Variants in ZNF677 observed in about 807,000 individuals in gnomAD.
ZNF677 encodes hypothetical protein MGC48625.
Under a neutral mutation model 8.1 loss-of-function variants are expected in ZNF677, and 5 were observed. The observed-to-expected ratio is 0.62, with a 90% CI of 0.32 to 1.29. ZNF677 has a LOEUF of 1.29. Among genes scored for constraint, ZNF677 ranks in the 50% most tolerant of loss-of-function variants. ZNF677 has a pLI of 0.05. For synonymous variants in ZNF677, 221 were observed against 225.6 expected, an observed-to-expected ratio of 0.98 and a Z score of 0.18; for missense variants, 685 against 685.9, an observed-to-expected ratio of 1.00 and a Z score of 0.01.
At position 53,237,422 on chromosome 19, in the gene ZNF677, CACAT is replaced by C. The variant is rs763697173; in HGVS notation, c.1301_1304del (p.Asn434SerfsTer178). On this transcript the variant is annotated frameshift_variant, in exon 5 of 5. Transcript: ENST00000598513. LOFTEE classifies it low-confidence loss of function (END_TRUNC). ...AACTTTGGATAAAAGCCCTGCCACA[CACAT>C]TACATTTGTGTGGTTTCTCTCCAGG... 2 of 1,613,942 alleles carry C rather than the reference CACAT, an allele frequency of 1.2e-6. No individual in the cohort carries two copies. Among genetic ancestry groups the C allele is most frequent in the Non-Finnish European group, 1.7e-6 (2 of 1,179,990 alleles).
At chr19:53,249,021 A>G (rs542953134) in intron 3 of ZNF677, 1 of 152,258 alleles carries the variant, frequency 6.6e-6, no homozygotes, top group South Asian at 2.1e-4. Context: ...CAATTAACCT[A>G]AAGTTTAGGT....
At chr19:53,248,763 T>C (rs1214155815) in intron 3 of ZNF677, among the ~76,000 whole-genome samples, 1 of 152,216 alleles carries the variant, frequency 6.6e-6, no homozygotes, top group Non-Finnish European at 1.5e-5. Context: ...TTTGATTATG[T>C]GTCTTGCTGT....
At position 53,238,519 on chromosome 19, in the gene ZNF677, T is replaced by C; in HGVS notation, c.208A>G (p.Lys70Glu). 3 of 1,593,062 alleles carry C rather than the reference T, an allele frequency of 1.9e-6. No individual in the cohort carries two copies. The highest frequency in any genetic ancestry group is 2.6e-6 in the Non-Finnish European group (3 of 1,173,628). The change falls in exon 5 of 5, where the codon AAG (lysine) becomes GAG (glutamate). Residue 70 changes from lysine to glutamate, a missense_variant. Lys to Glu is a moderately conservative substitution (Grantham distance 56, BLOSUM62 1). Transcript: ENST00000598513. ...VGFTSKGLSP[K>E]ENNKEELYHL... is the part of the protein sequence containing the mutation. ...TATAATTCCTCTTTATTATTTTCCTTTGGTGATAATCCCTTGCTTGTAAAT... is the reference window on the plus strand; with the variant it reads ...TATAATTCCTCTTTATTATTTTCCTCTGGTGATAATCCCTTGCTTGTAAAT...
At chr19:53,251,441 C>T (rs1382055593) in intron 3 of ZNF677, 95 bp downstream of exon 3, 2 of 993,936 alleles carry the variant, frequency 2.0e-6, no homozygotes, top group African/African-American at 1.6e-5. Flanking sequence ...ACATATTAGT[C>T]AGGACACTTC....
rs148994287 is a variant in ZNF677, at chr19:53,253,690, A to AAAATAAAT, written c.-126-542_-126-535dup. On this transcript the variant is annotated intron_variant, in intron 1 of 4. Transcript: ENST00000598513. ...TGACAGAGTGAGACTCCGTCTCAAA[A>AAAATAAAT]AAATAAATAAATAAATAAAAGAAAG... Among the ~76,000 whole-genome samples the AAAATAAAT allele has an allele frequency of 7.2e-5, 11 of 152,122 alleles. 1 individual carries two copies. In the South Asian group the frequency reaches 1.7e-3, roughly 23 times the overall value.
At chr19:53,244,991 T>C (rs1435284676) in intron 3 of ZNF677, among the ~76,000 whole-genome samples, 2 of 152,082 alleles carry the variant, frequency 1.3e-5, no homozygotes, top group Non-Finnish European at 2.9e-5. Context: ...CAAGAATACA[T>C]AATGGAGAAA....
intron 1 of ZNF677, among the ~76,000 whole-genome samples, chr19:53,253,690 A>AAAAT (rs148994287): frequency 0.11 from 16,074 of 152,032 alleles, 1,077 homozygotes; most frequent in East Asian, 0.24. Context: ...CCGTCTCAAA[A>AAAAT]AAATAAATAA....
At position 53,236,267 on chromosome 19, in the gene ZNF677, C is replaced by A. The variant is rs1248571142; in HGVS notation, c.*705G>T. ...TTTCAGTAATATAAAGAAGCCACAC[C>A]TAAGGAAGTAGTCCCTTCCATCTTA... On this transcript the variant is annotated 3_prime_UTR_variant, in exon 5 of 5. Coordinates refer to ENST00000598513, the MANE Select transcript of ZNF677 (RefSeq NM_182609.4). The A allele has an allele frequency of 6.6e-6, 1 of 152,096 alleles. No individual in the cohort carries two copies. The allele number at this position is 152,096 out of a possible 1,614,324, so 9.4% of individuals were successfully genotyped here. A position where few individuals can be genotyped will look rare whatever the true frequency, so the allele number is the denominator to read the frequency against.
In ZNF677 at chr19:53,237,885, T is replaced by C; in HGVS notation, c.842A>G (p.His281Arg). 6.2e-7 allele frequency: 1 copy of C among 1,613,534 alleles called. No individual in the cohort carries two copies. The highest frequency in any genetic ancestry group is 2.2e-5 in the East Asian group (1 of 44,880). Reference sequence around the variant, plus strand: ...TCTCTGTCCAGAGTGAATTCTCTGATGATTAGTGAGGTTCGAACTTTTGCT... The same window carrying C: ...TCTCTGTCCAGAGTGAATTCTCTGACGATTAGTGAGGTTCGAACTTTTGCT... ...AFSKSSNLTNHQRIHSGQRPY... is the reference protein window; with the variant it reads ...AFSKSSNLTNRQRIHSGQRPY... The change falls in exon 5 of 5, where the codon CAT (histidine) becomes CGT (arginine). Residue 281 changes from histidine (H) to arginine (R), a missense_variant. Coordinates refer to ENST00000598513, the MANE Select transcript of ZNF677 (RefSeq NM_182609.4).
intron 3 of ZNF677, among the ~76,000 whole-genome samples, chr19:53,250,511 C>A (rs2091218096): frequency 6.6e-6 from 1 of 152,168 alleles, no homozygotes; most frequent in Non-Finnish European, 1.5e-5. Flanking sequence ...AAAAAGAGAT[C>A]ATGTCCTCTG....
intron 4 of ZNF677, chr19:53,242,212 G>T: frequency 2.5e-6 from 1 of 398,008 alleles, no homozygotes; most frequent in Non-Finnish European, 4.4e-6. Context: ...GATTATAGGC[G>T]TGAGGCACCA....
chr19:53,246,133 A>G (rs2091134536), intron 3 of ZNF677, among the ~76,000 whole-genome samples: 1 of 152,126 alleles, frequency 6.6e-6, no homozygotes, highest in African/African-American at 2.4e-5. Flanking sequence ...CCTGGCTAAC[A>G]TGGTGAAACC....
At position 53,237,379 on chromosome 19, in the gene ZNF677, G is replaced by A. The variant is rs150912055; in HGVS notation, c.1348C>T (p.Gln450Ter). 1.2e-6 allele frequency: 2 copies of A among 1,613,870 alleles called. No homozygotes were observed. The highest frequency in any genetic ancestry group is 1.1e-5 in the South Asian group (1 of 91,062). The change falls in exon 5 of 5, where the codon CAG becomes TAG. Residue 450 changes from glutamine to a stop codon, truncating the protein, a stop_gained. Coordinates refer to ENST00000598513, the MANE Select transcript of ZNF677 (RefSeq NM_182609.4). LOFTEE classifies it low-confidence loss of function (END_TRUNC). ...GGTTTTTCTCCAGTGTGAATTCTCT[G>A]ATGTTCCACAAGACTTGAACTTTGG... ...FIQSSSLVEH[Q>*]RIHTGEKPYK...
At position 53,237,661 on chromosome 19, in the gene ZNF677, A is replaced by G. The variant is rs1472356399; in HGVS notation, c.1066T>C (p.Phe356Leu). 1 of 1,612,862 alleles carries G rather than the reference A, an allele frequency of 6.2e-7. No homozygotes were observed. Among genetic ancestry groups the G allele is most frequent in the Non-Finnish European group, 8.5e-7 (1 of 1,179,502 alleles). ...PYKCNECGKA[F>L]IQRSHLWGHE... ...CCCCAAAGGTGTGAACGCTGGATAA[A>G]TGCCTTACCACATTCATTACATTTG... is the stretch of plus-strand genomic sequence containing the variant. Residue 356 changes from phenylalanine (F) to leucine (L), a missense_variant, in exon 5 of 5, where the codon TTT becomes CTT. Phe to Leu is a conservative substitution (Grantham distance 22, BLOSUM62 0). Transcript: ENST00000598513.
intron 3 of ZNF677, among the ~76,000 whole-genome samples, chr19:53,247,106 C>T (rs2091156059): frequency 1.3e-5 from 2 of 152,200 alleles, no homozygotes; most frequent in East Asian, 1.9e-4. Flanking sequence ...CAGTTTCACT[C>T]GATTGTGGTG....
Position 53,237,134 on chromosome 19 carries a change from A to G in ZNF677, c.1593T>C (p.Thr531=), listed in dbSNP as rs1450879455. ...GKAFTQFANL[T]RHQKIHIEKK... ...TTTCAATGTGTATTTTCTGGTGTCT[A>G]GTGAGGTTTGCAAATTGGGTAAAAG... The change falls in exon 5 of 5, where the codon ACT becomes ACC. Residue 531 remains threonine (T), a synonymous_variant. Transcript: ENST00000598513. 6.2e-7 allele frequency: 1 copy of G among 1,613,870 alleles called. No individual in the cohort carries two copies. Among genetic ancestry groups the G allele is most frequent in the South Asian group, 1.1e-5 (1 of 91,024 alleles).
At chr19:53,249,679 T>G (rs1285477994) in intron 3 of ZNF677, among the ~76,000 whole-genome samples, 1 of 152,304 alleles carries the variant, frequency 6.6e-6, no homozygotes, top group Non-Finnish European at 1.5e-5. Context: ...TGTTTTACTT[T>G]TTAGTCCCTA....
At chr19:53,249,049 T>C (rs906795009) in intron 3 of ZNF677, 1 of 152,206 alleles carries the variant, frequency 6.6e-6, no homozygotes, top group Non-Finnish European at 1.5e-5. Flanking sequence ...TTCTGTATTC[T>C]GTCACTCTAC....
chr19:53,240,939 A>T (rs938517041), intron 4 of ZNF677: 1 of 152,048 alleles, frequency 6.6e-6, no homozygotes, highest in African/African-American at 2.4e-5. Flanking sequence ...CGTGTGGGGG[A>T]ACAGAGTATA....
Sources: gnomAD v4.1 joint callset for allele counts (sites outside exome capture counted in the v4.1 genomes callset) on GRCh38, gnomAD v4.1.1 for gene constraint, MANE v1.5 for transcripts, NCBI Gene and HGNC (gene_info 2026-07-23, HGNC 2026-07-21) for gene names.